The following PSMF1 variants were observed in gnomAD, a reference collection of about 807,000 sequenced individuals.
PSMF1 encodes proteasome inhibitor PI31 subunit.
Under a neutral mutation model 29.3 loss-of-function variants are expected in PSMF1, and 30 were observed. The ratio of observed to expected loss-of-function variants is 1.02; its 90% CI spans 0.77 to 1.39. The LOEUF is 1.39. Ranked by LOEUF, PSMF1 falls within the 40% of genes most tolerant of loss-of-function variation. The probability of loss-of-function intolerance (pLI) is 0.00; values close to 1 mark genes in which losing one functional copy is unlikely to be tolerated. For missense variants in PSMF1, 344 were observed against 357.5 expected (o/e 0.96, Z 0.31); for synonymous variants, 134 against 139.7 (o/e 0.96, Z 0.29).
chr20:1,150,820 T>G (rs1323446642), intron 4 of PSMF1, among the ~76,000 whole-genome samples: 1 of 152,180 alleles, frequency 6.6e-6, no homozygotes, highest in East Asian at 1.9e-4. Flanking sequence ...CTCTTTTGAT[T>G]TTTGTTTAAG....
At chr20:1,121,397 T>C (rs897136775) in intron 1 of PSMF1, among the ~76,000 whole-genome samples, 1 of 152,086 alleles carries the variant, frequency 6.6e-6, no homozygotes, top group African/African-American at 2.4e-5. Flanking sequence ...TGCTTCTCTC[T>C]GCCTTTTCTC....
intron 1 of PSMF1, among the ~76,000 whole-genome samples, chr20:1,123,596 A>G (rs1414974565): frequency 1.3e-5 from 2 of 152,188 alleles, no homozygotes; most frequent in African/African-American, 4.8e-5. Context: ...ACTGCTATAT[A>G]GTATTCCACT....
intron 4 of PSMF1, among the ~76,000 whole-genome samples, chr20:1,152,401 G>A (rs1189473073): frequency 6.6e-6 from 1 of 152,180 alleles, no homozygotes; most frequent in African/African-American, 2.4e-5. Flanking sequence ...GGCTTGGATT[G>A]CTCCAAGAAC....
At chr20:1,120,320 T>C (rs925672344) in intron 1 of PSMF1, among the ~76,000 whole-genome samples, 32 of 152,120 alleles carry the variant, frequency 2.1e-4, no homozygotes, top group Admixed American at 2.1e-3. Flanking sequence ...AGACTAGATA[T>C]GAGGATGGAA....
chr20:1,113,445 A>AACACACACGCACACACAC (rs2085984671), intron 1 of PSMF1: 1 of 114,470 alleles, frequency 8.7e-6, no homozygotes, highest in Non-Finnish European at 1.7e-5. Context: ...GATCAGGGGC[A>AACACACACGCACACACAC]ACACACACAC....
At position 1,165,971 on chromosome 20, in the gene PSMF1, T is replaced by C; in HGVS notation, c.*891T>C. ...AGGTGGCTTTCCTGCTCTAAAGCAT[T>C]TTGATGTCTCATTCTGTGTTTGGTA... On this transcript the variant is annotated 3_prime_UTR_variant, in exon 7 of 7. Transcript: ENST00000335877. The C allele has an allele frequency of 7.2e-7, 1 of 1,388,094 alleles. No individual in the cohort carries two copies. The highest frequency in any genetic ancestry group is 9.3e-7 in the Non-Finnish European group (1 of 1,070,038). 86.0% of individuals were successfully genotyped at this position (1,388,094 alleles called of 1,614,324 possible).
At chr20:1,161,867 C>G (rs2086671382) in intron 4 of PSMF1, among the ~76,000 whole-genome samples, 2 of 152,184 alleles carry the variant, frequency 1.3e-5, no homozygotes, top group Non-Finnish European at 2.9e-5. Context: ...GATTGTAGAA[C>G]TTGTTGCTGA....
At chr20:1,162,028 G>A (rs1198325299) in intron 4 of PSMF1, among the ~76,000 whole-genome samples, 1 of 152,160 alleles carries the variant, frequency 6.6e-6, no homozygotes, top group African/African-American at 2.4e-5. Flanking sequence ...GGCTTGGGGG[G>A]TCTGTGTGGC....
At chr20:1,117,921 C>CTGAAA (rs1212521754), upstream of PSMF1, 4 of 152,226 alleles carry the variant, frequency 2.6e-5, no homozygotes, top group East Asian at 7.7e-4. Context: ...GGGTCAGGAG[C>CTGAAA]TTCAGCTCTG....
At position 1,171,009 on chromosome 20, in the gene PSMF1, C is replaced by T. The variant is rs895062721; in HGVS notation, c.*5929C>T. ...TTGGAACCCAGGTCAGTGCTCTTTT[C>T]AGTAGAACTGCTGTACCCAGACCTC... On this transcript the variant is annotated 3_prime_UTR_variant, in exon 7 of 7. Coordinates refer to ENST00000335877, the MANE Select transcript of PSMF1 (RefSeq NM_006814.5). Among the ~76,000 whole-genome samples, 1 of 152,152 alleles carries T rather than the reference C, an allele frequency of 6.6e-6. No homozygotes were observed. The highest frequency in any genetic ancestry group is 1.5e-5 in the Non-Finnish European group (1 of 68,026).
chr20:1,133,703 C>T (rs972238789), intron 3 of PSMF1, among the ~76,000 whole-genome samples: 75 of 149,370 alleles, frequency 5.0e-4, no homozygotes, highest in African/African-American at 1.8e-3. Context: ...GTTAATTCTT[C>T]TTTGAATGTT....
chr20:1,134,998 A>T, intron 3 of PSMF1, 123 bp from the exon 4 acceptor site: 2 of 952,142 alleles, frequency 2.1e-6, no homozygotes, highest in Non-Finnish European at 3.3e-6. Context: ...CCACTTATAA[A>T]CAGGCCAAGC....
At chr20:1,153,535 T>C (rs1349326232) in intron 4 of PSMF1, among the ~76,000 whole-genome samples, 1 of 152,116 alleles carries the variant, frequency 6.6e-6, no homozygotes, top group African/African-American at 2.4e-5. Context: ...TAATGTCCCC[T>C]TTTGAGGTCA....
intron 4 of PSMF1, among the ~76,000 whole-genome samples, chr20:1,147,160 AT>A (rs2086461355): frequency 3.1e-5 from 4 of 128,278 alleles, no homozygotes; most frequent in East Asian, 2.1e-4. Context: ...CATCATCATC[AT>A]CATCATCATC....
Position 1,163,437 on chromosome 20 carries a change from C to G in PSMF1, c.605+254C>G, listed in dbSNP as rs1356507134. ...GCTCTTCTGCCATTTCCCGGTCCCC[C>G]TGCCCACCCTAGTTTATCAGATGTA... On this transcript the variant is annotated intron_variant, in intron 5 of 6. Transcript: ENST00000335877. This position sits in a 1 kb window ranked among gnomAD's most constrained non-coding sequence, Gnocchi z 6.1. Among the ~76,000 whole-genome samples the G allele has an allele frequency of 6.6e-6, 1 of 152,178 alleles. No individual in the cohort carries two copies. The highest frequency in any genetic ancestry group is 1.5e-5 in the Non-Finnish European group (1 of 68,032).
chr20:1,127,847 TA>T (rs527479832), intron 3 of PSMF1, among the ~76,000 whole-genome samples: 5 of 151,592 alleles, frequency 3.3e-5, no homozygotes, highest in African/African-American at 7.3e-5. Context: ...CCAACTTATT[TA>T]AAAAAAAATT....
At position 1,133,557 on chromosome 20, in the gene PSMF1, A is replaced by G. The variant is rs11087014; in HGVS notation, c.366-1564A>G. ...AGGATATACTAGTCTATATATGTGT[A>G]TATATATATATATTTTTTTTTTTTT... On this transcript the variant is annotated intron_variant, in intron 3 of 6. Transcript: ENST00000335877. 7.0e-3 allele frequency among the ~76,000 whole-genome samples: 339 copies of G among 48,238 alleles called. 14 individuals carry two copies. The highest frequency in any genetic ancestry group is 0.021 in the African/African-American group (264 of 12,802). The allele number at this position is 48,238 out of a possible 152,430, so 31.6% of individuals were successfully genotyped here.
chr20:1,128,052 G>A (rs1770282040), intron 3 of PSMF1, among the ~76,000 whole-genome samples: 1 of 152,152 alleles, frequency 6.6e-6, no homozygotes, highest in Non-Finnish European at 1.5e-5. Flanking sequence ...TTGCTGTTGT[G>A]CAGTCTGTGG....
At chr20:1,114,108 G>C (rs1443996849), upstream of PSMF1, among the ~76,000 whole-genome samples, 1 of 152,184 alleles carries the variant, frequency 6.6e-6, no homozygotes, top group African/African-American at 2.4e-5. Context: ...CGCAAAGACT[G>C]CTTTCTCTAA....
Sources: allele counts gnomAD v4.1 joint callset (sites outside exome capture counted in the v4.1 genomes callset), GRCh38; gene constraint gnomAD v4.1.1; non-coding constraint Gnocchi (gnomAD v3.1); transcripts MANE v1.5; gene names NCBI Gene and HGNC (gene_info 2026-07-23, HGNC 2026-07-21).